The following CDK14 variants were observed in gnomAD, a reference collection of about 807,000 sequenced individuals.
The protein encoded by CDK14 is cyclin dependent kinase 14.
A neutral mutation model predicts 60.7 loss-of-function variants in CDK14; 34 were observed. That is an observed-to-expected ratio of 0.56 (90% CI 0.43 to 0.75). The LOEUF is 0.75. Ranked by LOEUF, CDK14 falls within the 30% of genes least tolerant of loss-of-function variation. The pLI, the probability that CDK14 is intolerant of heterozygous loss-of-function variation, is 0.00. For missense variants in CDK14, 482 were observed against 564.1 expected (o/e 0.85, Z 1.47); for synonymous variants, 197 against 203.7 (o/e 0.97, Z 0.28).
intron 14 of CDK14, among the ~76,000 whole-genome samples, chr7:91,136,543 T>C (rs574558893): frequency 6.6e-6 from 1 of 152,326 alleles, no homozygotes; most frequent in Non-Finnish European, 1.5e-5. Context: ...AGCTTAATGC[T>C]TTAAAAATGT....
rs192399785 is a variant in CDK14 at position 90,633,975 on chromosome 7, G to A, written c.123+29726G>A. 2.5e-3 allele frequency among the ~76,000 whole-genome samples: 387 copies of A among 152,136 alleles called. 1 individual carries two copies. The highest frequency in any genetic ancestry group is 3.4e-3 in the Middle Eastern group (1 of 294). On this transcript the variant is annotated intron_variant, in intron 2 of 14. Transcript: ENST00000380050. ...TTTTAAAAGATGTTTAATTGAATACGTGTCTTTTTTGGACTAGTAGCTGTG... is the reference window on the plus strand; with the variant it reads ...TTTTAAAAGATGTTTAATTGAATACATGTCTTTTTTGGACTAGTAGCTGTG...
chr7:90,610,744 C>G (rs1192487719), intron 2 of CDK14, among the ~76,000 whole-genome samples: 5 of 152,282 alleles, frequency 3.3e-5, no homozygotes, highest in Non-Finnish European at 7.4e-5. Context: ...CTAAATTTCC[C>G]CTTTTTACAA....
intron 4 of CDK14, among the ~76,000 whole-genome samples, chr7:90,754,099 T>C (rs911912071): frequency 2.0e-5 from 3 of 152,212 alleles, no homozygotes; most frequent in African/African-American, 7.2e-5. Context: ...AAACTGCCAA[T>C]GTTGTTTTTC....
chr7:90,828,085 T>A (rs1200034976), intron 5 of CDK14, among the ~76,000 whole-genome samples: 3 of 152,252 alleles, frequency 2.0e-5, no homozygotes, highest in Non-Finnish European at 2.9e-5. Context: ...AATGATTACA[T>A]ATTGATTCCT....
At chr7:91,133,021 T>C (rs1466554434) in intron 14 of CDK14, among the ~76,000 whole-genome samples, 8 of 152,146 alleles carry the variant, frequency 5.3e-5, no homozygotes, top group Non-Finnish European at 1.2e-4. Flanking sequence ...AATTTAAATT[T>C]TGTGAATATA....
At chr7:90,778,140 A>G (rs188605817) in intron 4 of CDK14, among the ~76,000 whole-genome samples, 7 of 152,204 alleles carry the variant, frequency 4.6e-5, no homozygotes, top group African/African-American at 9.7e-5. Flanking sequence ...ATAAATACCA[A>G]TGCTTCCTTT....
intron 8 of CDK14, among the ~76,000 whole-genome samples, chr7:90,928,677 C>A (rs1409585613): frequency 6.6e-6 from 1 of 152,206 alleles, no homozygotes; most frequent in Non-Finnish European, 1.5e-5. Context: ...GTCAGGGACC[C>A]ACTTGAGGAG....
At chr7:91,008,065 A>C (rs1796028768) in intron 10 of CDK14, among the ~76,000 whole-genome samples, 1 of 142,390 alleles carries the variant, frequency 7.0e-6, no homozygotes, top group African/African-American at 2.7e-5. Context: ...AGGATTGCTC[A>C]TTCTGGGTAT....
At chr7:91,139,757 A>ACTTTTCTTTT (rs981424644) in intron 14 of CDK14, among the ~76,000 whole-genome samples, 1 of 148,016 alleles carries the variant, frequency 6.8e-6, no homozygotes, top group East Asian at 2.0e-4. Flanking sequence ...ACAATTCAGA[A>ACTTTTCTTTT]CTTTTCTTTT....
intron 7 of CDK14, among the ~76,000 whole-genome samples, chr7:90,909,938 A>C (rs1305071948): frequency 6.6e-6 from 1 of 152,196 alleles, no homozygotes; most frequent in East Asian, 1.9e-4. Flanking sequence ...GGAAGAACTC[A>C]AACAGGGCAA....
intron 8 of CDK14, among the ~76,000 whole-genome samples, chr7:90,918,038 A>G (rs943261979): frequency 1.3e-5 from 2 of 152,176 alleles, no homozygotes; most frequent in South Asian, 4.1e-4. Context: ...GTGAAAATCT[A>G]TTTTTTGAAA....
At chr7:90,798,817 C>T (rs554332547) in intron 5 of CDK14, among the ~76,000 whole-genome samples, 1 of 152,170 alleles carries the variant, frequency 6.6e-6, no homozygotes, top group African/African-American at 2.4e-5. Context: ...GAAACTCATT[C>T]TGTCCTCGAT....
At chr7:91,171,673 G>A (rs111600862) in intron 14 of CDK14, among the ~76,000 whole-genome samples, 2,680 of 152,142 alleles carry the variant, frequency 0.018, 51 homozygotes, top group Non-Finnish European at 0.022. Flanking sequence ...TTGAGATGGA[G>A]TCTCACTCTG....
In CDK14 at chr7:90,906,307, A is replaced by G. The variant is rs142382375; in HGVS notation, c.702+6954A>G. On this transcript the variant is annotated intron_variant, in intron 7 of 14. Coordinates refer to ENST00000380050, the MANE Select transcript of CDK14 (RefSeq NM_001287135.2). ...AAAACCTCAACTGAGCTAAAATAAG[A>G]CATTGTAATAGTTCTTTATAAATTT... Among the ~76,000 whole-genome samples, 802 of 152,224 alleles carry G rather than the reference A, an allele frequency of 5.3e-3. 8 individuals carry two copies. The highest frequency in any genetic ancestry group is 0.018 in the African/African-American group (755 of 41,556).
At chr7:90,677,693 T>C (rs1026633088) in intron 2 of CDK14, among the ~76,000 whole-genome samples, 2 of 125,594 alleles carry the variant, frequency 1.6e-5, no homozygotes, top group South Asian at 2.6e-4. Flanking sequence ...GCCTACCAGC[T>C]GTGCCCGATG....
rs747997263 is a variant in CDK14 at position 90,983,932 on chromosome 7, TG to T, written c.948-213del. ...GGTACTACGTTCAGTACCTGGATGATGGGATCATTCATACCTGAGACCTCAG... is the reference window on the plus strand; with the variant it reads ...GGTACTACGTTCAGTACCTGGATGATGGATCATTCATACCTGAGACCTCAG... On this transcript the variant is annotated intron_variant, in intron 9 of 14. Transcript: ENST00000380050. Among the ~76,000 whole-genome samples the T allele has an allele frequency of 7.2e-5, 11 of 152,236 alleles. No individual in the cohort carries two copies. The East Asian group carries it at 9.7e-4, about 13-fold the overall frequency.
chr7:90,682,498 TA>T (rs1801336986), intron 2 of CDK14, among the ~76,000 whole-genome samples: 2 of 152,220 alleles, frequency 1.3e-5, no homozygotes, highest in Non-Finnish European at 2.9e-5. Context: ...GCATATAAGA[TA>T]GTATATATTT....
At chr7:91,002,929 G>A (rs577606862) in intron 10 of CDK14, among the ~76,000 whole-genome samples, 180 of 152,102 alleles carry the variant, frequency 1.2e-3, no homozygotes, top group African/African-American at 3.9e-3. Context: ...AAAATTAGCC[G>A]GGCATGGTGG....
chr7:90,735,998 GT>G (rs1803084830), intron 3 of CDK14, among the ~76,000 whole-genome samples: 1 of 152,326 alleles, frequency 6.6e-6, no homozygotes, highest in African/African-American at 2.4e-5. Flanking sequence ...TGCAAACACT[GT>G]GGTAAAAGCA....
Sources: gnomAD v4.1 joint callset for allele counts (sites outside exome capture counted in the v4.1 genomes callset) on GRCh38, gnomAD v4.1.1 for gene constraint, MANE v1.5 for transcripts, NCBI Gene and HGNC (gene_info 2026-07-23, HGNC 2026-07-21) for gene names.